CYP4B1: variants seen among roughly 807,000 people sequenced by gnomAD.
CYP4B1 encodes cytochrome P450 4B1.
A neutral mutation model predicts 54.0 loss-of-function variants in CYP4B1; 45 were observed. That is an observed-to-expected ratio of 0.83 (90% CI 0.66 to 1.07). The LOEUF (loss-of-function observed/expected upper bound fraction) is 1.07, where lower values mean the gene tolerates loss of function less well. CYP4B1 is among the 50% of genes least tolerant of loss of function. The pLI is 0.00. For synonymous variants in CYP4B1, 248 were observed against 247.5 expected, an observed-to-expected ratio of 1.00 and a Z score of -0.02; for missense variants, 656 against 655.4, an observed-to-expected ratio of 1.00 and a Z score of -0.01.
chr1:46,815,368 A>C (rs1045581531), intron 8 of CYP4B1, 104 bp downstream of exon 8: 1 of 1,087,908 alleles, frequency 9.2e-7, no homozygotes, highest in Admixed American at 3.2e-5. Context: ...GGCGGCTGCT[A>C]TCCTGTTACC....
chr1:46,800,164 C>A (rs1047499639), intron 1 of CYP4B1, among the ~76,000 whole-genome samples: 1 of 124,710 alleles, frequency 8.0e-6, no homozygotes, highest in East Asian at 2.5e-4. Context: ...TTCTTTCTTT[C>A]TTTTTTTCTT....
At chr1:46,802,200 T>G (rs1001875946) in intron 1 of CYP4B1, among the ~76,000 whole-genome samples, 1 of 152,050 alleles carries the variant, frequency 6.6e-6, no homozygotes. Context: ...GGTGTGTGTG[T>G]GTGTGTAGAA....
intron 3 of CYP4B1, chr1:46,812,106 G>A (rs1679124613): frequency 2.2e-6 from 1 of 464,442 alleles, no homozygotes; most frequent in South Asian, 1.6e-5. Flanking sequence ...CCTAAGTCCT[G>A]AAGCTGTGGC....
intron 4 of CYP4B1, 124 bp downstream of exon 4, chr1:46,812,747 C>T (rs1679163660): frequency 1.8e-6 from 2 of 1,097,212 alleles, no homozygotes; most frequent in South Asian, 3.0e-5. Flanking sequence ...AGCCCCAAGG[C>T]CTGTTCTGCC....
intron 1 of CYP4B1, among the ~76,000 whole-genome samples, chr1:46,800,167 T>TC (rs1557484067): frequency 9.4e-5 from 9 of 96,004 alleles, no homozygotes; most frequent in South Asian, 3.7e-4. Context: ...TTTCTTTCTT[T>TC]TTTTCTTCTT....
At position 46,813,427 on chromosome 1, in the gene CYP4B1, C is replaced by T; in HGVS notation, c.496-55C>T. On this transcript the variant is annotated intron_variant, in intron 4 of 11. Coordinates refer to ENST00000371923, the MANE Select transcript of CYP4B1 (RefSeq NM_001099772.2). ...CTGGAGGGCAGCTTGGGGCATCCAG[C>T]CCAACTAACCCCTGCATCGCCTCCT... 4 of 1,611,700 alleles carry T rather than the reference C, an allele frequency of 2.5e-6. No homozygotes were observed. The South Asian group carries it at 4.4e-5, about 18-fold the overall frequency.
intron 4 of CYP4B1, among the ~76,000 whole-genome samples, chr1:46,813,199 T>C (rs1421393846): frequency 6.6e-6 from 1 of 152,240 alleles, no homozygotes; most frequent in Non-Finnish European, 1.5e-5. Context: ...TCAGCCATCC[T>C]ACTCCCTTAT....
In CYP4B1 at chr1:46,810,918, T is replaced by A; in HGVS notation, c.291T>A (p.Pro97=). 6.2e-7 allele frequency: 1 copy of A among 1,614,076 alleles called. No individual in the cohort carries two copies. The change falls in exon 2 of 12, where the codon CCT becomes CCA. Residue 97 remains proline, a synonymous_variant. Transcript: ENST00000371923. ...QFIGFLNIYE[P]DYAKAVYSRG... ...TTGGCTTCCTGAACATCTATGAGCC[T>A]GACTATGCCAAAGCTGTGTACAGCC... is the stretch of plus-strand genomic sequence containing the variant.
rs1159782080 is a variant in CYP4B1, at chr1:46,799,232, A to C, written c.151A>C (p.Thr51Pro). The change falls in exon 1 of 12, where the codon ACC (threonine) becomes CCC (proline). Residue 51 changes from threonine (T) to proline (P), a missense_variant. Transcript: ENST00000371923. ...TATGGACAAATTCCCAGGGCCTCCC[A>C]CCCACTGGCTTTTTGGACATGCCCT... The part of the protein sequence containing the change: ...KAMDKFPGPP[T>P]HWLFGHALEI... 2.2e-5 allele frequency: 36 copies of C among 1,600,904 alleles called. No homozygotes were observed. The highest frequency in any genetic ancestry group is 3.0e-5 in the Non-Finnish European group (35 of 1,173,652).
At chr1:46,812,462 C>T (rs1318478688) in intron 3 of CYP4B1, 34 bp from the exon 4 acceptor site, 3 of 1,597,192 alleles carry the variant, frequency 1.9e-6, no homozygotes, top group African/African-American at 1.3e-5. Flanking sequence ...AGGGCCTGGA[C>T]TGACCAGCCC....
intron 1 of CYP4B1, among the ~76,000 whole-genome samples, chr1:46,809,317 TCC>T (rs1320090830): frequency 1.3e-5 from 2 of 152,114 alleles, no homozygotes; most frequent in Non-Finnish European, 2.9e-5. Context: ...AGGCCCCACC[TCC>T]AACATTGGAG....
At chr1:46,810,091 T>C (rs557077450) in intron 1 of CYP4B1, among the ~76,000 whole-genome samples, 147 of 152,262 alleles carry the variant, frequency 9.7e-4, no homozygotes, top group Admixed American at 3.5e-3. Flanking sequence ...CTTTCTGTTT[T>C]CTCACCTGGA....
intron 11 of CYP4B1, 33 bp downstream of exon 11, chr1:46,818,246 G>A: frequency 6.3e-7 from 1 of 1,585,398 alleles, no homozygotes. Flanking sequence ...AGGCCCTCAG[G>A]ACTGGGGAGG....
intron 1 of CYP4B1, among the ~76,000 whole-genome samples, chr1:46,806,596 C>A (rs1474252545): frequency 6.6e-6 from 1 of 152,194 alleles, no homozygotes. Flanking sequence ...ATGTTGAAAT[C>A]CTTTTCCGAT....
In CYP4B1 at chr1:46,809,185, AC is replaced by A. The variant is rs1161627570; in HGVS notation, c.181-1622del. On this transcript the variant is annotated intron_variant, in intron 1 of 11. Transcript: ENST00000371923. ...CAATATGCAAAATCCTTAAAAAAAA[AC>A]AAAACAAAACAAAACAAAAAAAAGC... Among the ~76,000 whole-genome samples, 10 of 145,822 alleles carry A rather than the reference AC, an allele frequency of 6.9e-5. 1 individual carries two copies. The East Asian group carries it at 1.0e-3, about 15-fold the overall frequency.
Position 46,805,660 on chromosome 1 carries a change from A to G in CYP4B1, c.181-5148A>G, listed in dbSNP as rs141182505. On this transcript the variant is annotated intron_variant, in intron 1 of 11. Transcript: ENST00000371923. The stretch of plus-strand genomic sequence containing the variant: ...TCCAGGCTCTCCATGGCTCTGTTCA[A>G]CCTCACAGCTGAATCCCCAATGAGT... Among the ~76,000 whole-genome samples the G allele has an allele frequency of 1.1e-4, 16 of 152,176 alleles. No individual in the cohort carries two copies. In the East Asian group the frequency reaches 2.9e-3, roughly 28 times the overall value.
chr1:46,815,208 G>C lies in CYP4B1; in HGVS notation c.1017G>C (p.Gln339His). ...LYCMALYPEHQHRCREEVREI... is the reference protein window; with the variant it reads ...LYCMALYPEHHHRCREEVREI... ...GCATGGCCCTGTACCCTGAGCACCA[G>C]CATCGTTGTAGAGAGGAGGTCCGCG... Residue 339 changes from glutamine to histidine, a missense_variant, in exon 8 of 12, where the codon CAG (glutamine) becomes CAC (histidine). Transcript: ENST00000371923. 1 of 1,606,616 alleles carries C rather than the reference G, an allele frequency of 6.2e-7. No individual in the cohort carries two copies. Among genetic ancestry groups the C allele is most frequent in the Non-Finnish European group, 8.5e-7 (1 of 1,176,078 alleles).
chr1:46,818,044 G>C lies in CYP4B1; in HGVS notation c.1272+15G>C. ...CCGACCCTGAGGTACCCTTTCCCTG[G>C]GCTGGGAGATCAGACAGGGTGGGGG... On this transcript the variant is annotated intron_variant, in intron 10 of 11. Coordinates refer to ENST00000371923, the MANE Select transcript of CYP4B1 (RefSeq NM_001099772.2). 6.2e-7 allele frequency: 1 copy of C among 1,613,966 alleles called. No homozygotes were observed. Among genetic ancestry groups the C allele is most frequent in the South Asian group, 1.1e-5 (1 of 91,082 alleles).
rs1352578970 is a variant in CYP4B1, at chr1:46,813,531, G to A, written c.545G>A (p.Cys182Tyr). Residue 182 changes from cysteine (C) to tyrosine (Y), a missense_variant, in exon 5 of 12, where the codon TGC becomes TAC. Physicochemically the swap from Cys to Tyr is radical, Grantham distance 194. Transcript: ENST00000371923. ...AREGKSFDIFCDVGHMALNTL... is the reference protein window; with the variant it reads ...AREGKSFDIFYDVGHMALNTL... ...GAGGGTAAGTCCTTTGACATCTTCT[G>A]CGATGTGGGTCACATGGCGCTGAAC... 6.2e-7 allele frequency: 1 copy of A among 1,614,214 alleles called. No individual in the cohort carries two copies.
Sources: allele counts gnomAD v4.1 joint callset (sites outside exome capture counted in the v4.1 genomes callset), GRCh38; gene constraint gnomAD v4.1.1; transcripts MANE v1.5; gene names NCBI Gene and HGNC (gene_info 2026-07-23, HGNC 2026-07-21).